The following FGGY variants were observed in gnomAD, a reference collection of about 807,000 sequenced individuals.
FGGY encodes the protein FGGY carbohydrate kinase domain containing.
Under a neutral mutation model 71.3 loss-of-function variants are expected in FGGY, and 72 were observed. The observed-to-expected ratio is 1.01, with a 90% confidence interval of 0.84 to 1.23. The LOEUF is 1.23. Among genes scored for constraint, FGGY ranks in the 50% most tolerant of loss-of-function variants. FGGY has a pLI of 0.00. For missense variants in FGGY, 668 were observed against 682.3 expected (o/e 0.98, Z 0.23); for synonymous variants, 251 against 250.3 (o/e 1.00, Z -0.02).
chr1:59,740,184 G>A (rs2098136331), intron 14 of FGGY, among the ~76,000 whole-genome samples: 1 of 152,162 alleles, frequency 6.6e-6, no homozygotes, highest in Non-Finnish European at 1.5e-5. Flanking sequence ...TCTTCTTGAA[G>A]CTTACTTCAG....
At chr1:59,722,167 A>T (rs1357097043) in intron 14 of FGGY, among the ~76,000 whole-genome samples, 1 of 147,724 alleles carries the variant, frequency 6.8e-6, no homozygotes, top group Non-Finnish European at 1.5e-5. Context: ...GATTTGTCTA[A>T]TTTTTTTTTT....
At position 59,369,850 on chromosome 1, in the gene FGGY, G is replaced by A. The variant is rs567979266; in HGVS notation, c.466-8899G>A. On this transcript the variant is annotated intron_variant, in intron 4 of 15. Coordinates refer to ENST00000303721, the MANE Select transcript of FGGY (RefSeq NM_018291.5). ...AAACTCCAACAGACCTGCAGCTGAG[G>A]GTCCTGTCTGTTAGAAGGAAAACTA... Among the ~76,000 whole-genome samples the A allele has an allele frequency of 3.9e-3, 600 of 152,262 alleles. 7 individuals carry two copies. The highest frequency in any genetic ancestry group is 0.014 in the African/African-American group (569 of 41,540).
At chr1:59,401,702 C>T (rs962993356) in intron 5 of FGGY, among the ~76,000 whole-genome samples, 1 of 152,296 alleles carries the variant, frequency 6.6e-6, no homozygotes. Flanking sequence ...GTAAGCCACT[C>T]AACAAGTATT....
intron 5 of FGGY, among the ~76,000 whole-genome samples, chr1:59,407,068 A>AT (rs1045217812): frequency 1.4e-4 from 21 of 152,224 alleles, no homozygotes; most frequent in African/African-American, 5.1e-4. Context: ...AAGCTGGAGT[A>AT]TTTGTCCCTC....
intron 4 of FGGY, among the ~76,000 whole-genome samples, chr1:59,361,466 G>A (rs181283676): frequency 9.0e-4 from 137 of 152,308 alleles, no homozygotes; most frequent in Non-Finnish European, 1.4e-3. Flanking sequence ...CAGTTGAGGT[G>A]AGGCAGTTTG....
rs116794741 is a variant in FGGY, at chr1:59,576,978, A to G, written c.903+22751A>G. ...AATGCCTGTAAGTTAGGCATTCACT[A>G]TCCATTCAATGAATGAATGGATGGA... On this transcript the variant is annotated intron_variant, in intron 8 of 15. Coordinates refer to ENST00000303721, the MANE Select transcript of FGGY (RefSeq NM_018291.5). 5.4e-3 allele frequency among the ~76,000 whole-genome samples: 821 copies of G among 152,254 alleles called. 6 individuals carry two copies. Among genetic ancestry groups the G allele is most frequent in the Middle Eastern group, 0.027 (8 of 294 alleles).
chr1:59,472,018 C>G (rs1158978202), intron 6 of FGGY, among the ~76,000 whole-genome samples: 2 of 152,266 alleles, frequency 1.3e-5, no homozygotes, highest in East Asian at 3.9e-4. Context: ...TGCCTGGGCT[C>G]CCACTTTGGC....
At chr1:59,589,944 G>C (rs2096396003) in intron 8 of FGGY, among the ~76,000 whole-genome samples, 1 of 151,952 alleles carries the variant, frequency 6.6e-6, no homozygotes, top group African/African-American at 2.4e-5. Flanking sequence ...AATCACAGCA[G>C]AACTGAAGGA....
chr1:59,329,138 A>G (rs2047977668), intron 2 of FGGY, among the ~76,000 whole-genome samples: 1 of 152,196 alleles, frequency 6.6e-6, no homozygotes, highest in African/African-American at 2.4e-5. Flanking sequence ...GCAAAGCACA[A>G]TGATACCAGA....
intron 14 of FGGY, among the ~76,000 whole-genome samples, chr1:59,677,740 T>TTAA (rs1321621015): frequency 1.3e-5 from 2 of 152,202 alleles, no homozygotes; most frequent in Middle Eastern, 3.2e-3. Context: ...GGGCCCTTAA[T>TTAA]GAAAGATTGG....
intron 7 of FGGY, among the ~76,000 whole-genome samples, chr1:59,521,439 A>G (rs1221476496): frequency 6.6e-6 from 1 of 152,140 alleles, no homozygotes; most frequent in African/African-American, 2.4e-5. Context: ...AACCGAGAGA[A>G]TCCAGGGCCT....
At chr1:59,730,562 T>C (rs1401067270) in intron 14 of FGGY, among the ~76,000 whole-genome samples, 3 of 152,174 alleles carry the variant, frequency 2.0e-5, no homozygotes, top group Non-Finnish European at 4.4e-5. Flanking sequence ...TGGCAGTCAT[T>C]GAGCATATTG....
At chr1:59,558,767 C>G (rs2095735722) in intron 8 of FGGY, among the ~76,000 whole-genome samples, 2 of 152,034 alleles carry the variant, frequency 1.3e-5, no homozygotes, top group Non-Finnish European at 2.9e-5. Context: ...TGCAGGAGAC[C>G]AGGGCATATT....
intron 1 of FGGY, among the ~76,000 whole-genome samples, chr1:59,303,639 AT>A (rs796077131): frequency 7.2e-5 from 11 of 152,210 alleles, no homozygotes; most frequent in African/African-American, 2.6e-4. Context: ...ACTATATCAT[AT>A]GGTAGTTCTA....
intron 10 of FGGY, among the ~76,000 whole-genome samples, chr1:59,629,374 G>A (rs1454505721): frequency 6.6e-6 from 1 of 152,156 alleles, no homozygotes; most frequent in Non-Finnish European, 1.5e-5. Context: ...TTATCAGGCT[G>A]TGTAGAAAAG....
intron 14 of FGGY, among the ~76,000 whole-genome samples, chr1:59,708,788 C>T (rs2097773473): frequency 6.6e-6 from 1 of 152,172 alleles, no homozygotes; most frequent in South Asian, 2.1e-4. Context: ...CTAAATCCAA[C>T]ATGCTCCAAA....
rs142779865 is a variant in FGGY at position 59,602,741 on chromosome 1, T to G, written c.904-5062T>G. Among the ~76,000 whole-genome samples the G allele has an allele frequency of 5.3e-3, 803 of 152,338 alleles. 3 individuals are homozygous for G. The highest frequency in any genetic ancestry group is 9.0e-3 in the Non-Finnish European group (613 of 68,020). On this transcript the variant is annotated intron_variant, in intron 8 of 15. Coordinates refer to ENST00000303721, the MANE Select transcript of FGGY (RefSeq NM_018291.5). Reference sequence around the variant, plus strand: ...AAAGCCTTGCTTCAAGGTGGCCATCTCTGTGAAATGCTCACTCTTTTCCCA... The same window carrying G: ...AAAGCCTTGCTTCAAGGTGGCCATCGCTGTGAAATGCTCACTCTTTTCCCA...
chr1:59,669,289 C>T (rs1317311413), intron 13 of FGGY, among the ~76,000 whole-genome samples: 4 of 152,128 alleles, frequency 2.6e-5, no homozygotes, highest in Non-Finnish European at 5.9e-5. Flanking sequence ...TACTGTACTG[C>T]TGACCCAGGT....
chr1:59,655,584 G>A (rs1437620025), intron 11 of FGGY, among the ~76,000 whole-genome samples: 1 of 152,172 alleles, frequency 6.6e-6, no homozygotes, highest in East Asian at 1.9e-4. Flanking sequence ...ATTCATCCAT[G>A]TCCCTGCAAA....
Sources: gnomAD v4.1 joint callset for allele counts (sites outside exome capture counted in the v4.1 genomes callset) on GRCh38, gnomAD v4.1.1 for gene constraint, MANE v1.5 for transcripts, NCBI Gene and HGNC (gene_info 2026-07-23, HGNC 2026-07-21) for gene names.